ENOX2: variants seen among roughly 807,000 people sequenced by gnomAD.
The protein encoded by ENOX2 is APK1 antigen.
In ENOX2, 36 loss-of-function variants were observed where a neutral mutation model predicts 45.0. The observed-to-expected ratio is 0.80, with a 90% CI of 0.61 to 1.06. The LOEUF is 1.06. Ranked by LOEUF, ENOX2 falls within the 50% of genes least tolerant of loss-of-function variation. The pLI is 0.00. For synonymous variants in ENOX2, 174 were observed against 152.3 expected, an observed-to-expected ratio of 1.14 and a Z score of -1.05; for missense variants, 423 against 462.5, an observed-to-expected ratio of 0.91 and a Z score of 0.78.
intron 2 of ENOX2, among the ~76,000 whole-genome samples, chrX:130,893,966 C>A (rs2079020925): frequency 2.7e-5 from 3 of 112,132 alleles, no homozygotes; most frequent in Admixed American, 9.5e-5. Context: ...AAACTGATTT[C>A]TTTCCTTCAT....
At position 130,791,531 on chromosome X, in the gene ENOX2, A is replaced by G. The variant is rs142912819; in HGVS notation, c.-182-7841T>C. Among the ~76,000 whole-genome samples the G allele has an allele frequency of 5.5e-4, 62 of 111,986 alleles. No individual in the cohort carries two copies. The East Asian group carries it at 0.015, about 27-fold the overall frequency. ...TACTTCTCTTACCACGCTGGGCAGC[A>G]GTGGTCAGCTGCGGCTCTCAGTGAG... On this transcript the variant is annotated intron_variant, in intron 2 of 14. Transcript: ENST00000394363.
intron 6 of ENOX2, among the ~76,000 whole-genome samples, chrX:130,674,277 C>T (rs1187670591): frequency 1.8e-5 from 2 of 108,904 alleles, no homozygotes. Context: ...TGCACAGGTG[C>T]CCCCGCATCT....
chrX:130,845,518 T>C (rs1016687584), intron 2 of ENOX2, among the ~76,000 whole-genome samples: 3 of 112,485 alleles, frequency 2.7e-5, no homozygotes, highest in Non-Finnish European at 5.6e-5. Context: ...CAGGCTGGAG[T>C]GCAATGGCGT....
At position 130,730,738 on chromosome X, in the gene ENOX2, C is replaced by T. The variant is rs371536325; in HGVS notation, c.-38-27484G>A. ...TTTGATCTGGAAGGGCAGGACAACT[C>T]GAAGTGGTGGGGGGCAGAGGGTGGG... On this transcript the variant is annotated intron_variant, in intron 3 of 14. Transcript: ENST00000394363. Among the ~76,000 whole-genome samples, 362 of 90,568 alleles carry T rather than the reference C, an allele frequency of 4.0e-3. 1 individual carries two copies. Among genetic ancestry groups the T allele is most frequent in the African/African-American group, 0.015 (349 of 22,815 alleles). 78.6% of individuals were successfully genotyped at this position (90,568 alleles called of 115,157 possible). A position where few individuals can be genotyped will look rare whatever the true frequency, so the allele number is the denominator to read the frequency against.
At chrX:130,881,366 T>C (rs2078805616) in intron 2 of ENOX2, among the ~76,000 whole-genome samples, 1 of 112,463 alleles carries the variant, frequency 8.9e-6, no homozygotes, top group African/African-American at 3.2e-5. Context: ...TGAATATCCA[T>C]AGAGAATACA....
intron 2 of ENOX2, among the ~76,000 whole-genome samples, chrX:130,838,250 T>G (rs889824431): frequency 1.1e-4 from 12 of 111,245 alleles, no homozygotes; most frequent in African/African-American, 3.9e-4. Context: ...GGCATAGTGG[T>G]GCATGCCTGT....
At chrX:130,800,991 C>T (rs373668900) in intron 2 of ENOX2, among the ~76,000 whole-genome samples, 4 of 112,138 alleles carry the variant, frequency 3.6e-5, no homozygotes, top group South Asian at 7.4e-4. Context: ...ATCAAAATGG[C>T]GTATAAAATG....
At chrX:130,739,915 A>G (rs756973372) in intron 3 of ENOX2, among the ~76,000 whole-genome samples, 10 of 112,615 alleles carry the variant, frequency 8.9e-5, no homozygotes, top group African/African-American at 3.2e-4. Context: ...AAGACTTCTG[A>G]CATAGGTTTA....
At chrX:130,629,135 G>A (rs2035625603) in intron 13 of ENOX2, among the ~76,000 whole-genome samples, 1 of 112,018 alleles carries the variant, frequency 8.9e-6, no homozygotes, top group Admixed American at 9.5e-5. Context: ...TGAGGGCAGG[G>A]CTCAAAATCT....
In ENOX2 at chrX:130,682,913, C is replaced by G. The variant is rs147387376; in HGVS notation, c.254-3165G>C. Among the ~76,000 whole-genome samples, 20 of 111,631 alleles carry G rather than the reference C, an allele frequency of 1.8e-4. No individual in the cohort carries two copies. The East Asian group carries it at 5.6e-3, about 31-fold the overall frequency. On this transcript the variant is annotated intron_variant, in intron 5 of 14. Coordinates refer to ENST00000394363, the MANE Select transcript of ENOX2 (RefSeq NM_006375.4). Reference sequence around the variant, plus strand: ...CTGATTTTCTAATCCCACTGAAATACAGTGATCAGGGCACAGCAATGATAA... The same window carrying G: ...CTGATTTTCTAATCCCACTGAAATAGAGTGATCAGGGCACAGCAATGATAA...
intron 2 of ENOX2, among the ~76,000 whole-genome samples, chrX:130,796,524 A>G (rs1416558657): frequency 1.8e-5 from 2 of 112,306 alleles, no homozygotes; most frequent in African/African-American, 3.2e-5. Context: ...ATTCATTCAG[A>G]AAAAAAGTAT....
At chrX:130,681,287 C>G (rs1038691425) in intron 5 of ENOX2, among the ~76,000 whole-genome samples, 1 of 112,278 alleles carries the variant, frequency 8.9e-6, no homozygotes, top group African/African-American at 3.2e-5. Context: ...ATTCTTAACT[C>G]TGGTGGCACA....
chrX:130,655,467 A>G (rs1057024179), intron 10 of ENOX2, among the ~76,000 whole-genome samples: 1 of 110,840 alleles, frequency 9.0e-6, no homozygotes, highest in Admixed American at 9.6e-5. Context: ...TTGAATTACA[A>G]TCTCTCTCTC....
chrX:130,764,079 TATGAG>T lies in ENOX2; in HGVS notation c.-39+19463_-39+19467del, dbSNP rs761016021. ...ATGAGGCAAAACCAAAATCTCCGAG[TATGAG>T]ATATGAGGCAAAAACAAAATCCAAA... is the stretch of plus-strand genomic sequence containing the variant. On this transcript the variant is annotated intron_variant, in intron 3 of 14. Transcript: ENST00000394363. 5.8e-4 allele frequency among the ~76,000 whole-genome samples: 64 copies of T among 110,733 alleles called. 1 individual carries two copies. Among genetic ancestry groups the T allele is most frequent in the Non-Finnish European group, 1.1e-3 (59 of 52,850 alleles).
intron 3 of ENOX2, among the ~76,000 whole-genome samples, chrX:130,745,221 A>G (rs1362198621): frequency 8.9e-6 from 1 of 112,133 alleles, no homozygotes; most frequent in Non-Finnish European, 1.9e-5. Flanking sequence ...TTAAGATAGA[A>G]AAGTTAAACA....
chrX:130,726,094 T>C (rs766966155), intron 3 of ENOX2, among the ~76,000 whole-genome samples: 1 of 112,151 alleles, frequency 8.9e-6, no homozygotes, highest in Admixed American at 9.4e-5. Flanking sequence ...GGTTGGACGC[T>C]AGACAAACAA....
chrX:130,900,855 C>A (rs753349982), intron 2 of ENOX2, among the ~76,000 whole-genome samples: 1 of 112,206 alleles, frequency 8.9e-6, no homozygotes, highest in African/African-American at 3.2e-5. Context: ...CCCAGCTAGA[C>A]CCCAGGAAGA....
chrX:130,751,502 T>G (rs1164082360), intron 3 of ENOX2, among the ~76,000 whole-genome samples: 1 of 112,241 alleles, frequency 8.9e-6, no homozygotes, highest in Non-Finnish European at 1.9e-5. Flanking sequence ...ATATAGCTGC[T>G]ATGAACATAT....
chrX:130,632,698 C>A (rs2035807854), intron 12 of ENOX2, among the ~76,000 whole-genome samples: 1 of 111,819 alleles, frequency 8.9e-6, no homozygotes, highest in Admixed American at 9.5e-5. Flanking sequence ...TCAAAGCTTC[C>A]AGGATGCTGT....
Sources: gnomAD v4.1 joint callset for allele counts (sites outside exome capture counted in the v4.1 genomes callset) on GRCh38, gnomAD v4.1.1 for gene constraint, MANE v1.5 for transcripts, NCBI Gene and HGNC (gene_info 2026-07-23, HGNC 2026-07-21) for gene names.